SYNE2: variants seen among roughly 807,000 people sequenced by gnomAD.
SYNE2 encodes the protein spectrin repeat containing nuclear envelope protein 2.
In SYNE2, 431 loss-of-function variants were observed where a neutral mutation model predicts 856.3. The ratio of observed to expected loss-of-function variants is 0.50; its 90% CI spans 0.47 to 0.55. The LOEUF is 0.55. Among genes scored for constraint, SYNE2 ranks in the 20% least tolerant of loss-of-function variants. The pLI is 0.00. For synonymous variants in SYNE2, 2,923 were observed against 2,872.3 expected, an observed-to-expected ratio of 1.02 and a Z score of -0.56; for missense variants, 8,129 against 8,023.2, an observed-to-expected ratio of 1.01 and a Z score of -0.50.
chr14:64,078,910 A>G (rs1007294029), intron 55 of SYNE2, among the ~76,000 whole-genome samples: 3 of 152,274 alleles, frequency 2.0e-5, no homozygotes, highest in Admixed American at 6.5e-5. Flanking sequence ...CATCTCTACT[A>G]AAAATACAAA....
At chr14:63,789,854 T>C (rs1887671024) in intron 1 of SYNE2, among the ~76,000 whole-genome samples, 1 of 149,918 alleles carries the variant, frequency 6.7e-6, no homozygotes, top group African/African-American at 2.5e-5. Flanking sequence ...AAAAAGTGAG[T>C]GTAGAGATGA....
Position 64,014,929 on chromosome 14 carries a change from TTATATATATATATATATATATATA to T in SYNE2, c.4729-1521_4729-1498del, listed in dbSNP as rs372523173. Among the ~76,000 whole-genome samples the T allele has an allele frequency of 3.4e-4, 27 of 78,822 alleles. 1 individual carries two copies. Among genetic ancestry groups the T allele is most frequent in the African/African-American group, 7.8e-4 (18 of 23,034 alleles). 51.7% of individuals were successfully genotyped at this position (78,822 alleles called of 152,430 possible). On this transcript the variant is annotated intron_variant, in intron 32 of 115. Transcript: ENST00000555002. ...TTATTTGGTCATGGTGTATAATTCC[TTATATATATATATATATATATATA>T]TATATATATATATATATATATACAC...
At chr14:63,842,925 A>C (rs1040236943) in intron 1 of SYNE2, among the ~76,000 whole-genome samples, 9 of 152,038 alleles carry the variant, frequency 5.9e-5, no homozygotes, top group Non-Finnish European at 1.2e-4. Context: ...GTTTACTCTT[A>C]GATATTTTAC....
chr14:64,165,216 A>G (rs1401912657), intron 89 of SYNE2, 69 bp from the exon 90 acceptor site: 21 of 1,549,464 alleles, frequency 1.4e-5, no homozygotes, highest in Non-Finnish European at 1.7e-5. Context: ...AGCAGCTCCC[A>G]AGCCTGTGTT....
intron 110 of SYNE2, among the ~76,000 whole-genome samples, chr14:64,219,771 A>G (rs1427890777): frequency 6.6e-6 from 1 of 152,216 alleles, no homozygotes; most frequent in Non-Finnish European, 1.5e-5. Flanking sequence ...GCACAGTTAC[A>G]CGAAAGACTA....
Position 63,981,054 on chromosome 14 carries a change from A to T in SYNE2, c.1717A>T (p.Asn573Tyr). Residue 573 changes from asparagine (N) to tyrosine (Y), a missense_variant, in exon 16 of 116, where the codon AAT becomes TAT. Physicochemically the swap from Asn to Tyr is moderately radical, Grantham distance 143. Transcript: ENST00000555002. Reference protein sequence around the residue: ...VKSDVCMYRKNIYNVKSTLQK... With the variant: ...VKSDVCMYRKYIYNVKSTLQK... ...ATCTGATGTTTGTATGTATAGAAAA[A>T]ATATATATAATGTGAAGTCCACTCT... The T allele has an allele frequency of 6.3e-7, 1 of 1,591,562 alleles. No individual in the cohort carries two copies. Among genetic ancestry groups the T allele is most frequent in the Non-Finnish European group, 8.6e-7 (1 of 1,159,944 alleles).
intron 2 of SYNE2, among the ~76,000 whole-genome samples, chr14:63,938,861 TGGG>T (rs2095864039): frequency 6.6e-6 from 1 of 151,972 alleles, no homozygotes; most frequent in South Asian, 2.1e-4. Context: ...TGAGAAAAGT[TGGG>T]GGGATATGCA....
chr14:64,132,195 T>G, intron 76 of SYNE2, 70 bp from the exon 77 acceptor site: 5 of 1,555,934 alleles, frequency 3.2e-6, no homozygotes, highest in Non-Finnish European at 4.4e-6. Flanking sequence ...GGATATAAAG[T>G]TGAAGTAACT....
chr14:64,126,274 C>G (rs1462276659), intron 71 of SYNE2, 53 bp from the exon 72 acceptor site: 2 of 1,526,748 alleles, frequency 1.3e-6, no homozygotes, highest in East Asian at 2.2e-5. Context: ...AAATATAGGT[C>G]TAGGAAGGCA....
chr14:63,918,358 A>G (rs902415016), intron 2 of SYNE2, among the ~76,000 whole-genome samples: 2 of 152,218 alleles, frequency 1.3e-5, no homozygotes, highest in Non-Finnish European at 2.9e-5. Context: ...TTCCTGGAGT[A>G]ACTCCCATTT....
chr14:63,841,832 C>CTTTTTTTTTTTTTTTTTT (rs34947861), intron 1 of SYNE2, among the ~76,000 whole-genome samples: 16 of 115,082 alleles, frequency 1.4e-4, no homozygotes, highest in Non-Finnish European at 1.7e-4. Context: ...TTCTTTCTTT[C>CTTTTTTTTTTTTTTTTTT]TTTTTTTTTT....
At chr14:63,765,780 T>C (rs960697729) in intron 1 of SYNE2, among the ~76,000 whole-genome samples, 19 of 149,424 alleles carry the variant, frequency 1.3e-4, no homozygotes, top group Non-Finnish European at 2.4e-4. Flanking sequence ...TGGACTTACA[T>C]AGGATTGCTG....
At chr14:63,912,606 A>G (rs977695439) in intron 2 of SYNE2, among the ~76,000 whole-genome samples, 4 of 152,230 alleles carry the variant, frequency 2.6e-5, no homozygotes, top group African/African-American at 9.6e-5. Context: ...TAGAGACAGT[A>G]GAATGGCCTA....
At position 64,121,230 on chromosome 14, in the gene SYNE2, CA is replaced by C. The variant is rs372105048; in HGVS notation, c.13158+177del. Among the ~76,000 whole-genome samples the C allele has an allele frequency of 1.7e-4, 26 of 151,272 alleles. 1 individual carries two copies. Among genetic ancestry groups the C allele is most frequent in the Middle Eastern group, 3.4e-3 (1 of 294 alleles). ...CATAGCGAGACCCTGTTTCAAAAAC[CA>C]AAAAAAAGGCCAGGCACAGTAGCTC... On this transcript the variant is annotated intron_variant, in intron 68 of 115. Coordinates refer to ENST00000555002, the MANE Select transcript of SYNE2 (RefSeq NM_182914.3).
chr14:63,985,351 G>T (rs2096617617), intron 18 of SYNE2, among the ~76,000 whole-genome samples: 1 of 143,610 alleles, frequency 7.0e-6, no homozygotes, highest in African/African-American at 2.6e-5. Context: ...AAAAAAAAGA[G>T]TGTATCTGTG....
At position 64,159,323 on chromosome 14, in the gene SYNE2, T is replaced by C; in HGVS notation, c.15975T>C (p.Asp5325=). 6.2e-7 allele frequency: 1 copy of C among 1,613,954 alleles called. No individual in the cohort carries two copies. The highest frequency in any genetic ancestry group is 8.5e-7 in the Non-Finnish European group (1 of 1,179,874). ...TTTGTGTCTCTTAGTCTCTGCAAGA[T>C]GAAGCTGAGAGCAGTGAAGGGAGTT... ...CQVENLQSLQ[D]EAESSEGSWE... Residue 5325 remains aspartate, a synonymous_variant, in exon 87 of 116, where the codon GAT becomes GAC. Coordinates refer to ENST00000555002, the MANE Select transcript of SYNE2 (RefSeq NM_182914.3).
chr14:64,220,677 C>T (rs753780972), intron 111 of SYNE2, 40 bp downstream of exon 111: 19 of 1,607,504 alleles, frequency 1.2e-5, no homozygotes, highest in Admixed American at 3.3e-5. Flanking sequence ...AGCCGGTACC[C>T]AGGCCCACGT....
At chr14:64,158,215 C>A in intron 85 of SYNE2, among the ~76,000 whole-genome samples, 1 of 152,158 alleles carries the variant, frequency 6.6e-6, no homozygotes, top group East Asian at 1.9e-4. Flanking sequence ...TTCACAGACA[C>A]TATTTTATTT....
At chr14:64,144,534 T>C (rs1473830685) in intron 83 of SYNE2, among the ~76,000 whole-genome samples, 1 of 152,196 alleles carries the variant, frequency 6.6e-6, no homozygotes, top group Non-Finnish European at 1.5e-5. Flanking sequence ...GAGGAAATTA[T>C]AGTTAGCAAA....
Sources: gnomAD v4.1 joint callset for allele counts (sites outside exome capture counted in the v4.1 genomes callset) on GRCh38, gnomAD v4.1.1 for gene constraint, MANE v1.5 for transcripts, NCBI Gene and HGNC (gene_info 2026-07-23, HGNC 2026-07-21) for gene names.